CRACR2A: variants seen among roughly 807,000 people sequenced by gnomAD.
CRACR2A encodes EF-hand calcium-binding domain-containing protein 4B.
CRACR2A carries 79 observed loss-of-function variants against 90.5 expected under a neutral mutation model. The ratio of observed to expected loss-of-function variants is 0.87; its 90% CI spans 0.73 to 1.05. CRACR2A has a LOEUF of 1.05. Among genes scored for constraint, CRACR2A ranks in the 50% least tolerant of loss-of-function variants. CRACR2A has a pLI of 0.00. For missense variants in CRACR2A, 823 were observed against 897.2 expected, an observed-to-expected ratio of 0.92 and a Z score of 1.06; for synonymous variants, 338 against 356.7, an observed-to-expected ratio of 0.95 and a Z score of 0.59.
chr12:3,740,801 T>G (rs1425870124), intron 1 of CRACR2A, among the ~76,000 whole-genome samples: 1 of 152,230 alleles, frequency 6.6e-6, no homozygotes, highest in Non-Finnish European at 1.5e-5. Context: ...ACTAGCCATG[T>G]GACCTCGAGC....
intron 2 of CRACR2A, chr12:3,731,187 C>T (rs1946354375): frequency 6.6e-6 from 1 of 152,478 alleles, no homozygotes; most frequent in Non-Finnish European, 1.5e-5. Flanking sequence ...CAGCCTCCGC[C>T]ACCTCCAGGG....
In CRACR2A at chr12:3,627,704, T is replaced by C. The variant is rs945475881; in HGVS notation, c.1738A>G (p.Ile580Val). The change falls in exon 16 of 20, where the codon ATT (isoleucine) becomes GTT (valine). Residue 580 changes from isoleucine to valine, a missense_variant and splice_region_variant. Ile to Val is a conservative substitution (Grantham distance 29, BLOSUM62 3). Transcript: ENST00000440314. ...FSPGMAATVG[I>V]DYRVKTLNVD... ...TTCAACGTCTTCACACGGTAATCAA[T>C]GCCTGCAGGGTGAAATGGGCCTGTC... is the stretch of plus-strand genomic sequence containing the variant. The C allele has an allele frequency of 6.4e-7, 1 of 1,551,616 alleles. No individual in the cohort carries two copies. The highest frequency in any genetic ancestry group is 1.4e-5 in the African/African-American group (1 of 73,024).
At chr12:3,640,553 G>A (rs1039882798) in intron 13 of CRACR2A, 2 of 1,258,298 alleles carry the variant, frequency 1.6e-6, no homozygotes, top group African/African-American at 3.1e-5. Context: ...GGAACCAACA[G>A]GCCAACCACT....
At chr12:3,664,661 T>C (rs1945095556) in intron 7 of CRACR2A, among the ~76,000 whole-genome samples, 1 of 152,168 alleles carries the variant, frequency 6.6e-6, no homozygotes, top group Non-Finnish European at 1.5e-5. Context: ...AGATGTTAAT[T>C]AGTGACATGT....
At chr12:3,727,153 C>CAAAAAA (rs5796073) in intron 2 of CRACR2A, 1 of 88,644 alleles carries the variant, frequency 1.1e-5, no homozygotes, top group African/African-American at 4.5e-5. Flanking sequence ...GACTCTGTCT[C>CAAAAAA]AAAAAAAAAA....
intron 2 of CRACR2A, among the ~76,000 whole-genome samples, chr12:3,720,363 G>A (rs886736323): frequency 3.3e-5 from 4 of 122,392 alleles, no homozygotes; most frequent in African/African-American, 1.2e-4. Context: ...AGGAAAGAAA[G>A]AGAGAGAGAA....
intron 3 of CRACR2A, among the ~76,000 whole-genome samples, chr12:3,705,576 C>T (rs769800966): frequency 9.9e-5 from 15 of 152,226 alleles, no homozygotes; most frequent in Admixed American, 2.0e-4. Flanking sequence ...ATCTCTTTAA[C>T]CACCCAGGCT....
chr12:3,724,449 G>A (rs925891347), intron 2 of CRACR2A, among the ~76,000 whole-genome samples: 27 of 152,196 alleles, frequency 1.8e-4, no homozygotes, highest in African/African-American at 5.3e-4. Context: ...AGTGCCCCGC[G>A]AGACGCCTCC....
At chr12:3,692,894 G>A (rs1346542915) in intron 4 of CRACR2A, among the ~76,000 whole-genome samples, 1 of 152,206 alleles carries the variant, frequency 6.6e-6, no homozygotes, top group Non-Finnish European at 1.5e-5. Flanking sequence ...TGATCACTCA[G>A]GGCAGGGAAA....
chr12:3,649,467 T>C (rs1287666680), intron 10 of CRACR2A, among the ~76,000 whole-genome samples: 1 of 152,166 alleles, frequency 6.6e-6, no homozygotes, highest in African/African-American at 2.4e-5. Context: ...CCCACCCTCC[T>C]CCCAAAGTCT....
In CRACR2A at chr12:3,711,538, C is replaced by T. The variant is rs746924929; in HGVS notation, c.-37+1699G>A. Among the ~76,000 whole-genome samples the T allele has an allele frequency of 4.6e-5, 7 of 152,122 alleles. No individual in the cohort carries two copies. The highest frequency in any genetic ancestry group is 7.4e-5 in the Non-Finnish European group (5 of 68,026). ...TAATAACATGTTCTTCATTTTCATC[C>T]GAGACCTCATCAGAATGGCTTTTAT... On this transcript the variant is annotated intron_variant, in intron 3 of 19. Transcript: ENST00000440314. This position sits in a 1 kb window ranked among gnomAD's most constrained non-coding sequence, Gnocchi z 4.3.
intron 6 of CRACR2A, among the ~76,000 whole-genome samples, chr12:3,676,099 A>ACCAT (rs55661360): frequency 0.72 from 108,909 of 150,910 alleles, 39,581 homozygotes; most frequent in East Asian, 0.84. Flanking sequence ...ACTTATTTAG[A>ACCAT]CCATCCATCC....
chr12:3,738,912 T>A (rs1158021919), intron 1 of CRACR2A, among the ~76,000 whole-genome samples: 1 of 152,152 alleles, frequency 6.6e-6, no homozygotes, highest in Non-Finnish European at 1.5e-5. Context: ...TCATCAGTGA[T>A]GAACAAGACA....
intron 3 of CRACR2A, among the ~76,000 whole-genome samples, chr12:3,709,973 C>A (rs1455411712): frequency 1.3e-5 from 2 of 152,246 alleles, no homozygotes; most frequent in Admixed American, 6.5e-5. Flanking sequence ...ATGATTGAAC[C>A]AGAGGCATTT....
At chr12:3,636,952 A>G (rs1420032862) in intron 14 of CRACR2A, among the ~76,000 whole-genome samples, 1 of 152,212 alleles carries the variant, frequency 6.6e-6, no homozygotes, top group African/African-American at 2.4e-5. Flanking sequence ...TGCAGGGCGG[A>G]GCCTCTTTCA....
intron 6 of CRACR2A, among the ~76,000 whole-genome samples, chr12:3,675,926 T>C (rs1227081046): frequency 6.6e-6 from 1 of 152,088 alleles, no homozygotes; most frequent in Admixed American, 6.5e-5. Flanking sequence ...TCTTGGGAAA[T>C]GGACATGACT....
At chr12:3,726,545 CAAT>C (rs970421895) in intron 2 of CRACR2A, 2 of 151,986 alleles carry the variant, frequency 1.3e-5, no homozygotes, top group African/African-American at 4.8e-5. Context: ...AGAAGTGTTA[CAAT>C]GAGTTACCCC....
chr12:3,654,516 T>C, intron 9 of CRACR2A, 117 bp from the exon 10 acceptor site: 1 of 949,872 alleles, frequency 1.1e-6, no homozygotes, highest in Non-Finnish European at 1.5e-6. Flanking sequence ...CTGCCACCCC[T>C]CACTGGCCTC....
At chr12:3,652,317 T>C (rs1382409133) in intron 10 of CRACR2A, among the ~76,000 whole-genome samples, 1 of 152,230 alleles carries the variant, frequency 6.6e-6, no homozygotes, top group Admixed American at 6.5e-5. Context: ...GCTAAATGCC[T>C]GTACCTTGTT....
Sources: allele counts gnomAD v4.1 joint callset (sites outside exome capture counted in the v4.1 genomes callset), GRCh38; gene constraint gnomAD v4.1.1; non-coding constraint Gnocchi (gnomAD v3.1); transcripts MANE v1.5; gene names NCBI Gene and HGNC (gene_info 2026-07-23, HGNC 2026-07-21).